PRUNE2: variants seen among roughly 807,000 people sequenced by gnomAD.
PRUNE2 encodes prune homolog 2 with BCH domain, also known as protein prune homolog 2.
Under a neutral mutation model 252.0 loss-of-function variants are expected in PRUNE2, and 164 were observed. The ratio of observed to expected loss-of-function variants is 0.65; its 90% CI spans 0.57 to 0.74. The LOEUF is 0.74. PRUNE2 is among the 30% of genes least tolerant of loss of function. The pLI is 0.00. For synonymous variants in PRUNE2, 1,292 were observed against 1,350.2 expected (o/e 0.96, Z 0.94); for missense variants, 3,495 against 3,711.0 (o/e 0.94, Z 1.51).
Position 76,711,133 on chromosome 9 carries a change from C to A in PRUNE2, c.1141G>T (p.Gly381Trp), listed in dbSNP as rs2046696017. Residue 381 changes from glycine (G) to tryptophan (W), a missense_variant, in exon 8 of 19, where the codon GGG (glycine) becomes TGG (tryptophan). Coordinates refer to ENST00000376718, the MANE Select transcript of PRUNE2 (RefSeq NM_015225.3). ...TACAATTCCATAATCCCAGAAGACC[C>A]CTGGGAGAGGGGGGCACTGCCTGCC... ...AVAGSAPLSQ[G>W]SSGIMELYGS... 3 of 1,613,808 alleles carry A rather than the reference C, an allele frequency of 1.9e-6. No homozygotes were observed. The highest frequency in any genetic ancestry group is 2.5e-6 in the Non-Finnish European group (3 of 1,179,760).
At chr9:76,686,465 TA>T (rs1300144743) in intron 9 of PRUNE2, among the ~76,000 whole-genome samples, 2 of 152,322 alleles carry the variant, frequency 1.3e-5, no homozygotes, top group East Asian at 1.9e-4. Flanking sequence ...TTTTTGTTTT[TA>T]TTTTTTTGTG....
In PRUNE2 at chr9:76,841,723, C is replaced by T. The variant is rs117036109; in HGVS notation, c.508+4792G>A. Among the ~76,000 whole-genome samples the T allele has an allele frequency of 4.2e-3, 642 of 152,308 alleles. 3 individuals carry two copies. Among genetic ancestry groups the T allele is most frequent in the Non-Finnish European group, 7.2e-3 (492 of 68,028 alleles). The stretch of plus-strand genomic sequence containing the variant: ...AGAGCCCACCACAGCACTGCAAAGC[C>T]GCTGTAGCCAGACTACCTCTCTAGA... On this transcript the variant is annotated intron_variant, in intron 4 of 18. Transcript: ENST00000376718.
At chr9:76,769,303 C>A (rs1348700426) in intron 6 of PRUNE2, among the ~76,000 whole-genome samples, 2 of 152,216 alleles carry the variant, frequency 1.3e-5, no homozygotes, top group African/African-American at 4.8e-5. Flanking sequence ...CCCTCAGGGT[C>A]AATACATACA....
At position 76,624,436 on chromosome 9, in the gene PRUNE2, G is replaced by T; in HGVS notation, c.9188+16C>A. On this transcript the variant is annotated intron_variant, in intron 17 of 18. Transcript: ENST00000376718. ...GCCAACATCATGCCAGCCGCTAAAC[G>T]AAAACCAAGTCTTACTTAGCTGCCT... 1 of 1,408,556 alleles carries T rather than the reference G, an allele frequency of 7.1e-7. No homozygotes were observed. Among genetic ancestry groups the T allele is most frequent in the East Asian group, 2.7e-5 (1 of 37,650 alleles). 87.3% of individuals were successfully genotyped at this position (1,408,556 alleles called of 1,614,324 possible).
chr9:76,814,555 G>A (rs1210864141), intron 6 of PRUNE2, among the ~76,000 whole-genome samples: 3 of 152,170 alleles, frequency 2.0e-5, no homozygotes, highest in African/African-American at 4.8e-5. Context: ...AGGTTTTGGG[G>A]GTGACCTGCT....
At position 76,705,191 on chromosome 9, in the gene PRUNE2, G is replaced by C. The variant is rs774460664; in HGVS notation, c.7083C>G (p.Ile2361Met). ...DFEYDVMGQN[I>M]DEDLLREPEH... is the part of the protein sequence containing the mutation. ...CAGGCTCTCTCAGTAAATCTTCATC[G>C]ATATTCTGGCCCATTACATCATATT... The change falls in exon 8 of 19, where the codon ATC becomes ATG. Residue 2361 changes from isoleucine (I) to methionine (M), a missense_variant. Coordinates refer to ENST00000376718, the MANE Select transcript of PRUNE2 (RefSeq NM_015225.3). 6.2e-7 allele frequency: 1 copy of C among 1,613,986 alleles called. No individual in the cohort carries two copies. The highest frequency in any genetic ancestry group is 1.1e-5 in the South Asian group (1 of 91,074).
intron 6 of PRUNE2, among the ~76,000 whole-genome samples, chr9:76,731,753 G>A (rs1240094890): frequency 2.0e-5 from 3 of 152,116 alleles, no homozygotes; most frequent in Non-Finnish European, 4.4e-5. Flanking sequence ...AAAAAGGACT[G>A]GTATTTGAAT....
intron 18 of PRUNE2, among the ~76,000 whole-genome samples, chr9:76,615,596 T>G (rs1829073467): frequency 6.6e-6 from 1 of 152,174 alleles, no homozygotes; most frequent in Non-Finnish European, 1.5e-5. Context: ...CCACCTTCTC[T>G]AAGTTTCCAT....
chr9:76,738,408 T>C (rs562592248), intron 6 of PRUNE2: 18 of 152,284 alleles, frequency 1.2e-4, no homozygotes, highest in African/African-American at 4.3e-4. Flanking sequence ...CATGGCAGGA[T>C]AGAAAGCTCA....
intron 6 of PRUNE2, among the ~76,000 whole-genome samples, chr9:76,730,981 G>A (rs1180889152): frequency 6.6e-6 from 1 of 152,128 alleles, no homozygotes; most frequent in Non-Finnish European, 1.5e-5. Flanking sequence ...TTTGCAAAAT[G>A]CGGAACCCAG....
chr9:76,668,870 C>T (rs1679825228), intron 9 of PRUNE2, among the ~76,000 whole-genome samples: 1 of 149,736 alleles, frequency 6.7e-6, no homozygotes, highest in Non-Finnish European at 1.5e-5. Context: ...GAAATTTACT[C>T]GCTCACAATT....
chr9:76,656,591 A>C (rs1849331694), intron 9 of PRUNE2, among the ~76,000 whole-genome samples: 1 of 152,172 alleles, frequency 6.6e-6, no homozygotes, highest in South Asian at 2.1e-4. Flanking sequence ...CTGCACCCTT[A>C]GCGATTACTG....
intron 6 of PRUNE2, among the ~76,000 whole-genome samples, chr9:76,801,585 A>C (rs1341839740): frequency 6.6e-6 from 1 of 152,154 alleles, no homozygotes; most frequent in Non-Finnish European, 1.5e-5. Flanking sequence ...TATCTCTTAA[A>C]TCTTACCAGG....
chr9:76,614,644 G>A (rs1828564105), intron 18 of PRUNE2, 44 bp from the exon 19 acceptor site: 18 of 1,478,900 alleles, frequency 1.2e-5, no homozygotes, highest in Non-Finnish European at 1.5e-5. Context: ...GAAACCAAAT[G>A]AGAGACATTT....
At chr9:76,641,934 C>A in intron 12 of PRUNE2, 1 of 1,525,736 alleles carries the variant, frequency 6.6e-7, no homozygotes. Context: ...TCATTCTTTC[C>A]AGGGTCATTT....
intron 9 of PRUNE2, among the ~76,000 whole-genome samples, chr9:76,701,280 C>G (rs1037882725): frequency 1.1e-4 from 17 of 152,234 alleles, no homozygotes; most frequent in African/African-American, 3.9e-4. Flanking sequence ...CAGAGGGAGA[C>G]TTACACATTC....
chr9:76,795,824 A>G (rs1200178902), intron 6 of PRUNE2, among the ~76,000 whole-genome samples: 1 of 152,224 alleles, frequency 6.6e-6, no homozygotes, highest in Non-Finnish European at 1.5e-5. Context: ...AAAATCACAC[A>G]TAACTTTTTT....
chr9:76,764,707 A>G (rs1003519531), intron 6 of PRUNE2, among the ~76,000 whole-genome samples: 3 of 152,224 alleles, frequency 2.0e-5, no homozygotes, highest in Admixed American at 2.0e-4. Context: ...GGACAGCAGA[A>G]GGGTAGGAGC....
intron 1 of PRUNE2, among the ~76,000 whole-genome samples, chr9:76,905,363 C>T (rs1392729466): frequency 6.6e-6 from 1 of 152,142 alleles, no homozygotes; most frequent in African/African-American, 2.4e-5. Context: ...TGCCTCCGCC[C>T]CAATTTACAG....
Sources: allele counts gnomAD v4.1 joint callset (sites outside exome capture counted in the v4.1 genomes callset), GRCh38; gene constraint gnomAD v4.1.1; transcripts MANE v1.5; gene names NCBI Gene and HGNC (gene_info 2026-07-23, HGNC 2026-07-21).